Variants in FAR2 observed in about 807,000 individuals in gnomAD.
FAR2 encodes the protein epididymis secretory protein Li 81.
A neutral mutation model predicts 56.0 loss-of-function variants in FAR2; 19 were observed. The observed-to-expected ratio is 0.34, with a 90% confidence interval of 0.24 to 0.50. The LOEUF (loss-of-function observed/expected upper bound fraction) is 0.50. Among genes scored for constraint, FAR2 ranks in the 20% least tolerant of loss-of-function variants. FAR2 has a pLI of 0.98. For synonymous variants in FAR2, 219 were observed against 218.8 expected (o/e 1.00, Z -0.01); for missense variants, 508 against 642.2 (o/e 0.79, Z 2.26).
At chr12:29,256,551 G>A (rs1421494193) in intron 1 of FAR2, among the ~76,000 whole-genome samples, 3 of 152,202 alleles carry the variant, frequency 2.0e-5, no homozygotes, top group Admixed American at 6.5e-5. Context: ...GGCACTTGAG[G>A]AGCCCTTCAG....
At chr12:29,233,578 A>G (rs1947892272) in intron 1 of FAR2, among the ~76,000 whole-genome samples, 2 of 152,166 alleles carry the variant, frequency 1.3e-5, no homozygotes. Flanking sequence ...AAATTAGTAG[A>G]TGTCTCTCCT....
chr12:29,296,310 C>G (rs1949071227), intron 3 of FAR2, among the ~76,000 whole-genome samples: 1 of 152,196 alleles, frequency 6.6e-6, no homozygotes, highest in Admixed American at 6.5e-5. Context: ...ACTGACGTTA[C>G]AAGCAGTGCT....
rs146680709 is a variant in FAR2 at position 29,280,177 on chromosome 12, G to A, written c.189+9539G>A. On this transcript the variant is annotated intron_variant, in intron 2 of 11. Transcript: ENST00000536681. ...TGACCTCAGGCGATCTGCCTGCCTC[G>A]GCCTCCCAAAGTATTGGGATTACAG... is the stretch of plus-strand genomic sequence containing the variant. 2.6e-5 allele frequency among the ~76,000 whole-genome samples: 4 copies of A among 152,088 alleles called. No homozygotes were observed. In the South Asian group the frequency reaches 6.2e-4, roughly 24 times the overall value.
chr12:29,322,693 T>A (rs1433210514), intron 10 of FAR2, among the ~76,000 whole-genome samples: 3 of 152,234 alleles, frequency 2.0e-5, no homozygotes, highest in African/African-American at 7.2e-5. Flanking sequence ...TTTCACTCCA[T>A]ATTGATTGAC....
intron 1 of FAR2, among the ~76,000 whole-genome samples, chr12:29,230,612 A>C (rs75160669): frequency 6.6e-6 from 1 of 151,946 alleles, no homozygotes; most frequent in Non-Finnish European, 1.5e-5. Context: ...ACTTAGAGGC[A>C]TTTACAATAA....
At chr12:29,207,996 G>A (rs2136624582) in intron 1 of FAR2, among the ~76,000 whole-genome samples, 1 of 152,302 alleles carries the variant, frequency 6.6e-6, no homozygotes, top group African/African-American at 2.4e-5. Flanking sequence ...GGGTCCAGAA[G>A]CTCAAGCCCA....
At chr12:29,211,753 C>T (rs942183461) in intron 1 of FAR2, among the ~76,000 whole-genome samples, 8 of 151,818 alleles carry the variant, frequency 5.3e-5, no homozygotes, top group Non-Finnish European at 8.8e-5. Flanking sequence ...TACCAAAATT[C>T]ATATGGTGAA....
chr12:29,288,042 A>G (rs1317844220), intron 2 of FAR2, among the ~76,000 whole-genome samples: 1 of 152,158 alleles, frequency 6.6e-6, no homozygotes, highest in Non-Finnish European at 1.5e-5. Context: ...AAGAGTTTGC[A>G]GTTTCTCTGT....
intron 1 of FAR2, among the ~76,000 whole-genome samples, chr12:29,172,793 T>TA (rs1269695531): frequency 6.6e-6 from 1 of 152,212 alleles, no homozygotes; most frequent in Admixed American, 6.5e-5. Context: ...TTCCCTGAGT[T>TA]ACGGTGGACA....
chr12:29,151,503 C>G (rs181754591), intron 1 of FAR2: 1 of 152,300 alleles, frequency 6.6e-6, no homozygotes, highest in East Asian at 1.9e-4. Context: ...CAGGGCCTTG[C>G]ACTTGGAAGG....
At chr12:29,292,235 T>C (rs1948981109) in intron 2 of FAR2, 2 of 152,122 alleles carry the variant, frequency 1.3e-5, no homozygotes, top group African/African-American at 4.8e-5. Context: ...AGGAACCCCA[T>C]CGTGAGAAGG....
intron 4 of FAR2, among the ~76,000 whole-genome samples, chr12:29,298,488 T>C (rs945081177): frequency 6.6e-6 from 1 of 152,198 alleles, no homozygotes; most frequent in African/African-American, 2.4e-5. Flanking sequence ...GCTCTGAGAA[T>C]AGATATTTTT....
chr12:29,244,213 G>A (rs1948088349), intron 1 of FAR2, among the ~76,000 whole-genome samples: 1 of 151,994 alleles, frequency 6.6e-6, no homozygotes, highest in Non-Finnish European at 1.5e-5. Context: ...TGACTATTTT[G>A]GTCACTTCAT....
chr12:29,294,572 A>C (rs1949026266), intron 3 of FAR2, among the ~76,000 whole-genome samples: 1 of 151,876 alleles, frequency 6.6e-6, no homozygotes, highest in African/African-American at 2.4e-5. Flanking sequence ...CTGGTCTCAA[A>C]CTCCTGACCT....
At chr12:29,217,158 C>CA (rs1947631332) in intron 1 of FAR2, among the ~76,000 whole-genome samples, 1 of 151,994 alleles carries the variant, frequency 6.6e-6, no homozygotes, top group African/African-American at 2.4e-5. Flanking sequence ...TAAAAAACTT[C>CA]AAAAAACTAC....
intron 1 of FAR2, among the ~76,000 whole-genome samples, chr12:29,206,358 T>C (rs999627614): frequency 6.6e-6 from 1 of 152,254 alleles, no homozygotes; most frequent in Non-Finnish European, 1.5e-5. Context: ...ACTTGGCTCA[T>C]CTGTGCTAAG....
intron 3 of FAR2, among the ~76,000 whole-genome samples, chr12:29,295,584 C>T (rs1366323407): frequency 2.1e-5 from 3 of 145,044 alleles, no homozygotes; most frequent in Admixed American, 6.8e-5. Context: ...TTCATTCTTC[C>T]CATCCAAGAA....
intron 1 of FAR2, among the ~76,000 whole-genome samples, chr12:29,165,719 T>C (rs1055106175): frequency 2.0e-5 from 3 of 152,176 alleles, no homozygotes; most frequent in Non-Finnish European, 4.4e-5. Flanking sequence ...CAAGGACAGT[T>C]TGGAAAGCAG....
chr12:29,200,535 T>A (rs924145360), intron 1 of FAR2, among the ~76,000 whole-genome samples: 8 of 152,234 alleles, frequency 5.3e-5, no homozygotes, highest in Non-Finnish European at 8.8e-5. Context: ...CCAGCCACTG[T>A]CTGTTGGGGT....
Sources: allele counts gnomAD v4.1 joint callset (sites outside exome capture counted in the v4.1 genomes callset), GRCh38; gene constraint gnomAD v4.1.1; transcripts MANE v1.5; gene names NCBI Gene and HGNC (gene_info 2026-07-23, HGNC 2026-07-21).